Variants in AFF1 observed in about 807,000 individuals in gnomAD.
The protein encoded by AFF1 is ALF transcription elongation factor 1.
AFF1 carries 48 observed loss-of-function variants against 121.7 expected under a neutral mutation model. The observed-to-expected ratio is 0.39, with a 90% CI of 0.31 to 0.50. The LOEUF (loss-of-function observed/expected upper bound fraction) is 0.50. AFF1 is among the 20% of genes least tolerant of loss of function. The pLI is 0.76. For missense variants in AFF1, 1,523 were observed against 1,511.7 expected (o/e 1.01, Z -0.12); for synonymous variants, 613 against 563.0 (o/e 1.09, Z -1.26).
At chr4:87,021,590 T>C (rs1727903056) in intron 2 of AFF1, among the ~76,000 whole-genome samples, 1 of 152,348 alleles carries the variant, frequency 6.6e-6, no homozygotes. Context: ...TTGGAAATAA[T>C]AGATGTAATT....
chr4:86,970,930 G>A (rs2149479410), intron 2 of AFF1, among the ~76,000 whole-genome samples: 1 of 152,320 alleles, frequency 6.6e-6, no homozygotes, highest in Non-Finnish European at 1.5e-5. Context: ...AGGTTTGGGA[G>A]CTGGCAGGAG....
chr4:87,004,681 A>G (rs1305105871), intron 2 of AFF1, among the ~76,000 whole-genome samples: 1 of 152,168 alleles, frequency 6.6e-6, no homozygotes, highest in Non-Finnish European at 1.5e-5. Context: ...AGTACTCAAA[A>G]AGTTTTGGAT....
intron 2 of AFF1, among the ~76,000 whole-genome samples, chr4:87,017,088 T>G (rs1727373171): frequency 1.4e-5 from 2 of 139,190 alleles, no homozygotes; most frequent in Non-Finnish European, 1.5e-5. Context: ...TGTGTGTATG[T>G]GTATATATAT....
chr4:87,095,360 C>T (rs1012717018), intron 8 of AFF1, among the ~76,000 whole-genome samples: 3 of 152,204 alleles, frequency 2.0e-5, no homozygotes, highest in Non-Finnish European at 2.9e-5. Flanking sequence ...CTCAAGTGAT[C>T]CGCCTGCCTC....
chr4:86,995,743 G>A (rs541527338), intron 2 of AFF1, among the ~76,000 whole-genome samples: 6,225 of 151,968 alleles, frequency 0.041, 394 homozygotes, highest in African/African-American at 0.14. Flanking sequence ...CCCCGTCTGG[G>A]AAGTGAGGAG....
intron 2 of AFF1, among the ~76,000 whole-genome samples, chr4:86,964,348 C>T (rs1160752965): frequency 1.3e-5 from 2 of 151,520 alleles, no homozygotes; most frequent in African/African-American, 2.4e-5. Context: ...ATCTCCTGAC[C>T]TCATGATCCG....
At chr4:87,123,839 G>A (rs1260775492) in intron 12 of AFF1, among the ~76,000 whole-genome samples, 7 of 152,208 alleles carry the variant, frequency 4.6e-5, no homozygotes, top group Non-Finnish European at 1.0e-4. Context: ...TTAATTTGAA[G>A]TTTTTTATTT....
At chr4:86,986,025 AAATTTAATTCAATTC>A (rs1295383383) in intron 2 of AFF1, among the ~76,000 whole-genome samples, 2 of 136,424 alleles carry the variant, frequency 1.5e-5, no homozygotes, top group East Asian at 2.1e-4. Flanking sequence ...CCTTTTTTTA[AAATTTAATTCAATTC>A]AATTTAATTT....
chr4:87,049,098 G>C (rs866873339), intron 4 of AFF1, among the ~76,000 whole-genome samples: 17 of 32,634 alleles, frequency 5.2e-4, no homozygotes, highest in Non-Finnish European at 7.1e-4. Flanking sequence ...AAAAAAAAGG[G>C]GGGGGGGGGA....
chr4:87,137,992 A>C lies in AFF1; in HGVS notation c.*2291A>C, dbSNP rs916927513. 3 of 230,478 alleles carry C rather than the reference A, an allele frequency of 1.3e-5. No individual in the cohort carries two copies. The highest frequency in any genetic ancestry group is 2.6e-5 in the Non-Finnish European group (3 of 117,152). The allele number at this position is 230,478 out of a possible 1,614,324, so 14.3% of individuals were successfully genotyped here. On this transcript the variant is annotated 3_prime_UTR_variant, in exon 21 of 21. Transcript: ENST00000395146. ...AGGTAGATTTCTCAGCCAGCTCTAA[A>C]ACAGATTGCTTTTTCAGTGGCCTTA...
chr4:86,937,771 AT>A lies in AFF1; in HGVS notation c.-37+2532del, dbSNP rs1475746066. ...TAATTTAAAAAATCTTTTGGTAGAG[AT>A]GGCTTGGGGTGGGGGTGGGGGTGGG... On this transcript the variant is annotated intron_variant, in intron 1 of 20. Coordinates refer to ENST00000395146, the MANE Select transcript of AFF1 (RefSeq NM_001166693.3). Among the ~76,000 whole-genome samples the A allele has an allele frequency of 3.1e-3, 67 of 21,734 alleles. 1 individual carries two copies. The allele number at this position is 21,734 out of a possible 152,430, so 14.3% of individuals were successfully genotyped here. A position where few individuals can be genotyped will look rare whatever the true frequency, so the allele number is the denominator to read the frequency against.
intron 2 of AFF1, among the ~76,000 whole-genome samples, chr4:86,997,400 C>T (rs1044472849): frequency 1.3e-5 from 2 of 152,182 alleles, no homozygotes; most frequent in African/African-American, 4.8e-5. Flanking sequence ...AAATAAATTA[C>T]CCAGTTTCAG....
At chr4:86,982,899 T>C (rs1473350176) in intron 2 of AFF1, among the ~76,000 whole-genome samples, 1 of 147,856 alleles carries the variant, frequency 6.8e-6, no homozygotes, top group Non-Finnish European at 1.5e-5. Flanking sequence ...CCCCTTCCAC[T>C]GTGTGAGGGC....
intron 4 of AFF1, among the ~76,000 whole-genome samples, chr4:87,067,643 T>C (rs985030452): frequency 1.2e-4 from 18 of 152,226 alleles, no homozygotes; most frequent in African/African-American, 4.3e-4. Flanking sequence ...ACCCAGTCTT[T>C]TCTGCTGCTG....
intron 4 of AFF1, among the ~76,000 whole-genome samples, chr4:87,049,079 T>TAA (rs869134642): frequency 1.5e-5 from 1 of 66,070 alleles, no homozygotes; most frequent in African/African-American, 5.6e-5. Flanking sequence ...GTTCCCAGTT[T>TAA]AAAAAAAAAA....
rs555048153 is a variant in AFF1 at position 87,129,428 on chromosome 4, T to C, written c.2965-1655T>C. ...TTATTGGCCTTATGATATACTTATC[T>C]AAAGGAAATGGATATTGACAAATTG... On this transcript the variant is annotated intron_variant, in intron 16 of 20. Coordinates refer to ENST00000395146, the MANE Select transcript of AFF1 (RefSeq NM_001166693.3). Among the ~76,000 whole-genome samples, 6 of 152,358 alleles carry C rather than the reference T, an allele frequency of 3.9e-5. No homozygotes were observed. The South Asian group carries it at 1.2e-3, about 32-fold the overall frequency.
intron 18 of AFF1, 51 bp from the exon 19 acceptor site, chr4:87,132,220 T>C (rs1351733147): frequency 1.3e-6 from 2 of 1,583,278 alleles, no homozygotes; most frequent in Non-Finnish European, 1.7e-6. Flanking sequence ...GATGGCTGCT[T>C]TTCTGTAGTA....
chr4:86,950,717 C>T (rs1578832762), intron 2 of AFF1, among the ~76,000 whole-genome samples: 1 of 152,172 alleles, frequency 6.6e-6, no homozygotes, highest in Admixed American at 6.5e-5. Context: ...ACTCTCTCCC[C>T]TCACCAAAGG....
intron 1 of AFF1, among the ~76,000 whole-genome samples, chr4:86,937,723 A>G (rs543631795): frequency 7.1e-6 from 1 of 140,148 alleles, no homozygotes; most frequent in Admixed American, 7.4e-5. Context: ...CTGGGATTAC[A>G]AGCATATGCC....
Sources: allele counts gnomAD v4.1 joint callset (sites outside exome capture counted in the v4.1 genomes callset), GRCh38; gene constraint gnomAD v4.1.1; transcripts MANE v1.5; gene names NCBI Gene and HGNC (gene_info 2026-07-23, HGNC 2026-07-21).